NCOR1: variants seen among roughly 807,000 people sequenced by gnomAD.
NCOR1 encodes nuclear receptor corepressor 1, also known as protein phosphatase 1, regulatory subunit 109.
NCOR1 carries 63 observed loss-of-function variants against 288.1 expected under a neutral mutation model. The observed-to-expected ratio is 0.22, with a 90% CI of 0.18 to 0.27. NCOR1 has a LOEUF of 0.27. Ranked by LOEUF, NCOR1 falls within the 10% of genes least tolerant of loss-of-function variation. The probability of loss-of-function intolerance (pLI) is 1.00; values close to 1 mark genes in which losing one functional copy is unlikely to be tolerated. For missense variants in NCOR1, 2,397 were observed against 3,019.2 expected (o/e 0.79, Z 4.83); for synonymous variants, 1,007 against 1,065.9 (o/e 0.94, Z 1.08).
chr17:16,034,943 T>C lies in NCOR1; in HGVS notation c.6957A>G (p.Gly2319=), dbSNP rs146272624. The C allele has an allele frequency of 1.2e-4, 199 of 1,613,326 alleles. No homozygotes were observed. The highest frequency in any genetic ancestry group is 3.3e-4 in the Middle Eastern group (2 of 6,070). The change falls in exon 45 of 46, where the codon GGA becomes GGG. Residue 2319 remains glycine, a splice_region_variant and synonymous_variant. Coordinates refer to ENST00000268712, the MANE Select transcript of NCOR1 (RefSeq NM_006311.4). The part of the protein sequence containing the change: ...REEGDPSPHS[G]GVCKPKLISK... ...TGATCAGCTTTGGTTTGCAAACTCC[T>C]CCTGAAAGTGAAATTCAAGTTAAAG...
chr17:16,136,998 A>G (rs1221188661), intron 14 of NCOR1, among the ~76,000 whole-genome samples: 2 of 152,118 alleles, frequency 1.3e-5, no homozygotes, highest in Non-Finnish European at 2.9e-5. Flanking sequence ...ATAGTGTATT[A>G]AAAGTATTAA....
intron 3 of NCOR1, among the ~76,000 whole-genome samples, chr17:16,173,220 C>A (rs2083447854): frequency 6.6e-6 from 1 of 152,064 alleles, no homozygotes; most frequent in Non-Finnish European, 1.5e-5. Context: ...CGCACCTGGC[C>A]TGAATGCTAA....
intron 4 of NCOR1, among the ~76,000 whole-genome samples, chr17:16,167,802 G>A (rs1484997660): frequency 7.3e-6 from 1 of 136,404 alleles, no homozygotes; most frequent in Non-Finnish European, 1.5e-5. Context: ...GGAGGTTGCA[G>A]TGAGCATAGA....
intron 15 of NCOR1, 104 bp from the exon 16 acceptor site, chr17:16,121,373 CCTAAT>C (rs2072987296): frequency 1.1e-6 from 1 of 925,096 alleles, no homozygotes; most frequent in Non-Finnish European, 1.5e-6. Context: ...AATAAAACTA[CCTAAT>C]CTCTCACTCA....
chr17:16,138,965 T>G, intron 12 of NCOR1, 43 bp downstream of exon 12: 1 of 1,371,354 alleles, frequency 7.3e-7, no homozygotes. Context: ...TTTTACTAAC[T>G]TATGTAGATG....
At chr17:16,130,033 C>T (rs1206473280) in intron 14 of NCOR1, among the ~76,000 whole-genome samples, 1 of 152,220 alleles carries the variant, frequency 6.6e-6, no homozygotes, top group African/African-American at 2.4e-5. Context: ...CAGCTCCTGG[C>T]TCTGCATAGT....
intron 4 of NCOR1, among the ~76,000 whole-genome samples, chr17:16,167,417 A>G (rs1364061596): frequency 6.6e-6 from 1 of 152,100 alleles, no homozygotes; most frequent in African/African-American, 2.4e-5. Flanking sequence ...GCAAACATTT[A>G]TAAGAGGCTT....
At chr17:16,113,566 T>C (rs937108151) in intron 18 of NCOR1, among the ~76,000 whole-genome samples, 1 of 152,132 alleles carries the variant, frequency 6.6e-6, no homozygotes, top group African/African-American at 2.4e-5. Context: ...TGAAATCTTA[T>C]ACCATATCAA....
chr17:16,043,186 A>C (rs2058055469), intron 42 of NCOR1, among the ~76,000 whole-genome samples: 1 of 152,210 alleles, frequency 6.6e-6, no homozygotes, highest in African/African-American at 2.4e-5. Context: ...CAATAAAGTA[A>C]GTTTTAAAGC....
In NCOR1 at chr17:16,119,486, CTAAAA is replaced by C; in HGVS notation, c.1853-6_1853-2del. 1 of 1,595,644 alleles carries C rather than the reference CTAAAA, an allele frequency of 6.3e-7. No homozygotes were observed. The highest frequency in any genetic ancestry group is 8.5e-7 in the Non-Finnish European group (1 of 1,171,890). ...GAGGTCTCCACAGGCTCTGTAGAAACTAAAATAAAGAGAGAACCCAATCAGGCAGA... is the reference window on the plus strand; with the variant it reads ...GAGGTCTCCACAGGCTCTGTAGAAACTAAAGAGAGAACCCAATCAGGCAGA... On this transcript the variant is annotated splice_acceptor_variant and splice_polypyrimidine_tract_variant and intron_variant, in intron 16 of 45. Transcript: ENST00000268712. LOFTEE classifies it high-confidence loss of function.
At chr17:16,117,762 C>CAGTG in intron 18 of NCOR1, 126 bp downstream of exon 18, 1 of 995,728 alleles carries the variant, frequency 1.0e-6, no homozygotes, top group Non-Finnish European at 1.4e-6. Context: ...GAAGAGTTTG[C>CAGTG]AGTGAGCCAA....
chr17:16,051,285 C>T (rs558137660), intron 40 of NCOR1, among the ~76,000 whole-genome samples: 1 of 152,280 alleles, frequency 6.6e-6, no homozygotes, highest in African/African-American at 2.4e-5. Flanking sequence ...ATCTGTCAGC[C>T]ATTTTTAAGA....
In NCOR1 at chr17:16,034,922, C is replaced by A; in HGVS notation, c.6978G>T (p.Leu2326=). Residue 2326 remains leucine (L), a synonymous_variant, in exon 45 of 46, where the codon CTG becomes CTT. Coordinates refer to ENST00000268712, the MANE Select transcript of NCOR1 (RefSeq NM_006311.4). ...ATTTCCTGCTGTTTGACTTGCTGAT[C>A]AGCTTTGGTTTGCAAACTCCTCCTG... ...PHSGGVCKPK[L]ISKSNSRKSK... is the part of the protein sequence containing the mutation. The A allele has an allele frequency of 6.2e-7, 1 of 1,614,022 alleles. No individual in the cohort carries two copies.
rs2067138240 is a variant in NCOR1, at chr17:16,098,998, T to G, written c.2691-502A>C. Among the ~76,000 whole-genome samples the G allele has an allele frequency of 3.9e-5, 6 of 152,206 alleles. No homozygotes were observed. The South Asian group carries it at 1.2e-3, about 32-fold the overall frequency. On this transcript the variant is annotated intron_variant, in intron 20 of 45. Transcript: ENST00000268712. ...ATGTTTTATTGGGATCACAGAGTAT[T>G]TTTTTAAATATTTGAATAAGCTGCT...
chr17:16,073,829 C>T (rs2062045645), intron 27 of NCOR1, among the ~76,000 whole-genome samples: 2 of 152,216 alleles, frequency 1.3e-5, no homozygotes, highest in South Asian at 2.1e-4. Flanking sequence ...GAAACTTACA[C>T]AATAATGTAG....
At chr17:16,215,278 C>A (rs1372238613) in intron 1 of NCOR1, 84 bp downstream of exon 1, 1 of 388,922 alleles carries the variant, frequency 2.6e-6, no homozygotes, top group Non-Finnish European at 4.5e-6. Flanking sequence ...ACCGTCCCAG[C>A]GGCTGCTGCC....
intron 27 of NCOR1, among the ~76,000 whole-genome samples, chr17:16,073,840 G>A (rs2062047691): frequency 6.6e-6 from 1 of 152,126 alleles, no homozygotes; most frequent in East Asian, 1.9e-4. Flanking sequence ...AATAATGTAG[G>A]TACAGATTAT....
At chr17:16,134,930 C>T (rs953492816) in intron 14 of NCOR1, among the ~76,000 whole-genome samples, 10 of 152,178 alleles carry the variant, frequency 6.6e-5, no homozygotes, top group African/African-American at 1.7e-4. Flanking sequence ...GAGGCCGAGG[C>T]GGGCAGATCA....
chr17:16,065,632 G>A lies in NCOR1; in HGVS notation c.4804C>T (p.Gln1602Ter). The A allele has an allele frequency of 6.2e-7, 1 of 1,614,232 alleles. No individual in the cohort carries two copies. The highest frequency in any genetic ancestry group is 8.5e-7 in the Non-Finnish European group (1 of 1,180,054). The change falls in exon 33 of 46, where the codon CAG becomes TAG. Residue 1602 changes from glutamine (Q) to a stop codon, truncating the protein, a stop_gained. Transcript: ENST00000268712. LOFTEE classifies it high-confidence loss of function. ...SPTPGYPSQY[Q>*]LYAMENTRQT... The stretch of plus-strand genomic sequence containing the variant: ...CTTGTGTTCTCCATTGCGTAAAGCT[G>A]ATACTGACTTGGGTAACCTGGAGTT...
Sources: allele counts gnomAD v4.1 joint callset (sites outside exome capture counted in the v4.1 genomes callset), GRCh38; gene constraint gnomAD v4.1.1; transcripts MANE v1.5; gene names NCBI Gene and HGNC (gene_info 2026-07-23, HGNC 2026-07-21).